Variants in NKD2 observed in about 807,000 individuals in gnomAD.
NKD2 encodes protein naked cuticle homolog 2.
A neutral mutation model predicts 34.8 loss-of-function variants in NKD2; 43 were observed. The observed-to-expected ratio is 1.24, with a 90% CI of 0.97 to 1.60. NKD2 has a LOEUF of 1.60. NKD2 is among the 40% of genes most tolerant of loss of function. NKD2 has a pLI of 0.00. For synonymous variants in NKD2, 278 were observed against 265.1 expected, an observed-to-expected ratio of 1.05 and a Z score of -0.47; for missense variants, 675 against 627.1, an observed-to-expected ratio of 1.08 and a Z score of -0.82.
At chr5:1,028,519 T>A (rs1756515033) in intron 3 of NKD2, among the ~76,000 whole-genome samples, 1 of 152,022 alleles carries the variant, frequency 6.6e-6, no homozygotes, top group Admixed American at 6.5e-5. Flanking sequence ...ACGGTCGGGT[T>A]CCTGTCCTCC....
chr5:1,034,685 T>G, intron 6 of NKD2, 71 bp from the exon 7 acceptor site: 1 of 1,515,970 alleles, frequency 6.6e-7, no homozygotes, highest in South Asian at 1.2e-5. Flanking sequence ...GCTGGATGTG[T>G]TTTCTGGCAG....
At chr5:1,021,179 G>A (rs1299872436) in intron 3 of NKD2, among the ~76,000 whole-genome samples, 1 of 152,158 alleles carries the variant, frequency 6.6e-6, no homozygotes, top group African/African-American at 2.4e-5. Flanking sequence ...AATTTCACAT[G>A]TGGTTATTAA....
At chr5:1,027,595 C>T (rs146925115) in intron 3 of NKD2, among the ~76,000 whole-genome samples, 1 of 152,326 alleles carries the variant, frequency 6.6e-6, no homozygotes, top group African/African-American at 2.4e-5. Context: ...GCCTCCTGGA[C>T]ACGCTGTGGC....
intron 3 of NKD2, among the ~76,000 whole-genome samples, chr5:1,022,382 G>A (rs1756238204): frequency 1.0e-5 from 1 of 99,620 alleles, no homozygotes; most frequent in African/African-American, 3.5e-5. Context: ...CCCGCTGTGG[G>A]TGTCCCAGCC....
intron 3 of NKD2, among the ~76,000 whole-genome samples, chr5:1,026,112 T>G (rs368403794): frequency 7.0e-4 from 44 of 63,142 alleles, no homozygotes; most frequent in African/African-American, 1.6e-3. Context: ...CTTCCCACCC[T>G]CTGTGGGTGC....
chr5:1,033,528 G>C, intron 5 of NKD2, 29 bp downstream of exon 5: 1 of 1,531,154 alleles, frequency 6.5e-7, no homozygotes, highest in Non-Finnish European at 8.8e-7. Context: ...TCACTTGCGG[G>C]AACACGTCCC....
At chr5:1,016,908 G>A (rs943911638) in intron 3 of NKD2, among the ~76,000 whole-genome samples, 3 of 147,646 alleles carry the variant, frequency 2.0e-5, no homozygotes, top group African/African-American at 7.6e-5. Flanking sequence ...TTCCACAAAG[G>A]ATAACAGAGC....
chr5:1,018,316 C>T (rs2150731015), intron 3 of NKD2, among the ~76,000 whole-genome samples: 1 of 152,308 alleles, frequency 6.6e-6, no homozygotes, highest in Non-Finnish European at 1.5e-5. Flanking sequence ...ACCCTGCAAG[C>T]CATGTTCCTC....
Position 1,038,524 on chromosome 5 carries a change from A to G in NKD2, c.*151A>G. The G allele has an allele frequency of 4.8e-6, 7 of 1,470,004 alleles. 1 individual carries two copies. In the South Asian group the frequency reaches 4.9e-5, roughly 10 times the overall value. The allele number at this position is 1,470,004 out of a possible 1,614,324, so 91.1% of individuals were successfully genotyped here. On this transcript the variant is annotated 3_prime_UTR_variant, in exon 10 of 10. Transcript: ENST00000296849. The surrounding 1 kb of genome is among the most constrained non-coding windows in gnomAD (Gnocchi z 4.5). ...ACAGCAACTGACTGCAGGTGCTGGC[A>G]TGATGGAGGTGGTGCACCTTGGACA...
chr5:1,021,147 A>C (rs1756159071), intron 3 of NKD2, among the ~76,000 whole-genome samples: 1 of 152,174 alleles, frequency 6.6e-6, no homozygotes, highest in Admixed American at 6.5e-5. Context: ...TTGACCCCAA[A>C]GTTACTGCTT....
chr5:1,025,935 C>G (rs1756375128), intron 3 of NKD2, among the ~76,000 whole-genome samples: 1 of 120,748 alleles, frequency 8.3e-6, no homozygotes, highest in African/African-American at 3.5e-5. Context: ...ATTGTCCCTG[C>G]TCTTCCCACC....
At chr5:1,033,338 C>A in intron 4 of NKD2, 34 bp from the exon 5 acceptor site, 1 of 1,568,940 alleles carries the variant, frequency 6.4e-7, no homozygotes, top group Non-Finnish European at 8.6e-7. Context: ...CATGTGCCCT[C>A]TGCCAGCCCC....
chr5:1,009,031 G>T lies in NKD2; in HGVS notation c.-27G>T. 1 of 444,456 alleles carries T rather than the reference G, an allele frequency of 2.2e-6. No homozygotes were observed. The highest frequency in any genetic ancestry group is 3.6e-5 in the East Asian group (1 of 27,646). The allele number at this position is 444,456 out of a possible 1,614,324, so 27.5% of individuals were successfully genotyped here. A position where few individuals can be genotyped will look rare whatever the true frequency, so the allele number is the denominator to read the frequency against. On this transcript the variant is annotated 5_prime_UTR_variant, in exon 1 of 10. Transcript: ENST00000296849. The surrounding 1 kb of genome is among the most constrained non-coding windows in gnomAD (Gnocchi z 6.9). ...AGAACTCAGCCCTGCACCTGAGCGC[G>T]GGGCCCGGCGGGGCGTGGCGGCGGC...
At chr5:1,031,337 G>A (rs1023482257) in intron 3 of NKD2, among the ~76,000 whole-genome samples, 1 of 152,160 alleles carries the variant, frequency 6.6e-6, no homozygotes, top group African/African-American at 2.4e-5. Context: ...TCATCTCCAG[G>A]GTCAGGCTCT....
chr5:1,008,929 A>T lies in NKD2; in HGVS notation c.-129A>T, dbSNP rs1212083520. The T allele has an allele frequency of 5.2e-6, 2 of 384,564 alleles. No homozygotes were observed. The highest frequency in any genetic ancestry group is 2.1e-5 in the African/African-American group (1 of 47,640). The allele number at this position is 384,564 out of a possible 1,614,324, so 23.8% of individuals were successfully genotyped here. A position where few individuals can be genotyped will look rare whatever the true frequency, so the allele number is the denominator to read the frequency against. On this transcript the variant is annotated 5_prime_UTR_variant, in exon 1 of 10. Coordinates refer to ENST00000296849, the MANE Select transcript of NKD2 (RefSeq NM_033120.4). Reference sequence around the variant, plus strand: ...CCCGGCCCCCGCGCGGCGTGGAGCCATCTTCCCTCACCTCCTACCGGCACC... The same window carrying T: ...CCCGGCCCCCGCGCGGCGTGGAGCCTTCTTCCCTCACCTCCTACCGGCACC...
At chr5:1,020,669 CTTT>C (rs576773512) in intron 3 of NKD2, among the ~76,000 whole-genome samples, 17 of 114,218 alleles carry the variant, frequency 1.5e-4, no homozygotes, top group African/African-American at 6.1e-4. Context: ...TGTTGCTTGT[CTTT>C]TTTTTTTTTT....
intron 3 of NKD2, among the ~76,000 whole-genome samples, chr5:1,021,353 C>G (rs1327295656): frequency 7.5e-6 from 1 of 132,490 alleles, no homozygotes; most frequent in African/African-American, 2.9e-5. Flanking sequence ...CCCGCTGACC[C>G]GGCCCCCCGC....
chr5:1,027,910 C>T (rs1756486394), intron 3 of NKD2, among the ~76,000 whole-genome samples: 1 of 152,268 alleles, frequency 6.6e-6, no homozygotes, highest in South Asian at 2.1e-4. Flanking sequence ...AGGATGATAC[C>T]TGTGTTGCAG....
intron 4 of NKD2, among the ~76,000 whole-genome samples, chr5:1,032,502 G>A (rs748430692): frequency 5.9e-5 from 9 of 152,214 alleles, no homozygotes; most frequent in Non-Finnish European, 1.2e-4. Flanking sequence ...TGTGGATGGG[G>A]GTGGCTCTGT....
Sources: allele counts gnomAD v4.1 joint callset (sites outside exome capture counted in the v4.1 genomes callset), GRCh38; gene constraint gnomAD v4.1.1; non-coding constraint Gnocchi (gnomAD v3.1); transcripts MANE v1.5; gene names NCBI Gene and HGNC (gene_info 2026-07-23, HGNC 2026-07-21).